Variants in SLC22A4 observed in about 807,000 individuals in gnomAD.
SLC22A4 encodes the protein ET transporter.
SLC22A4 carries 39 observed loss-of-function variants against 56.6 expected under a neutral mutation model. That is an observed-to-expected ratio of 0.69 (90% confidence interval 0.53 to 0.90). The LOEUF (loss-of-function observed/expected upper bound fraction) is 0.90. SLC22A4 is among the 40% of genes least tolerant of loss of function. The pLI, the probability that SLC22A4 is intolerant of heterozygous loss-of-function variation, is 0.00. For synonymous variants in SLC22A4, 241 were observed against 281.4 expected (o/e 0.86, Z 1.44); for missense variants, 594 against 696.5 (o/e 0.85, Z 1.66).
At chr5:132,336,310 G>A (rs908957312) in intron 8 of SLC22A4, among the ~76,000 whole-genome samples, 1 of 152,180 alleles carries the variant, frequency 6.6e-6, no homozygotes, top group African/African-American at 2.4e-5. Flanking sequence ...GATCACCTGA[G>A]GCCAGGAGTT....
chr5:132,333,047 A>G (rs1750914012), intron 6 of SLC22A4, among the ~76,000 whole-genome samples: 1 of 152,196 alleles, frequency 6.6e-6, no homozygotes, highest in Admixed American at 6.5e-5. Flanking sequence ...AGATCCCTTG[A>G]GCATACTTAT....
intron 7 of SLC22A4, 125 bp downstream of exon 7, chr5:132,335,057 C>G: frequency 1.3e-6 from 1 of 741,974 alleles, no homozygotes. Flanking sequence ...GTCAATTAGA[C>G]AGGTGATTGC....
chr5:132,307,555 A>C (rs776596616), intron 1 of SLC22A4, among the ~76,000 whole-genome samples: 7 of 152,220 alleles, frequency 4.6e-5, no homozygotes, highest in Admixed American at 1.3e-4. Flanking sequence ...AGGACAAATA[A>C]AATGCTCTAC....
intron 1 of SLC22A4, among the ~76,000 whole-genome samples, chr5:132,306,863 T>C (rs771743131): frequency 2.0e-5 from 3 of 152,154 alleles, no homozygotes; most frequent in Non-Finnish European, 4.4e-5. Flanking sequence ...AAACACTATA[T>C]ATTGTATGAT....
At chr5:132,317,675 G>T (rs1012999612) in intron 3 of SLC22A4, among the ~76,000 whole-genome samples, 1 of 152,228 alleles carries the variant, frequency 6.6e-6, no homozygotes, top group Admixed American at 6.5e-5. Flanking sequence ...ACCTCTGCTG[G>T]GTCCTATGGT....
chr5:132,336,050 T>A, intron 8 of SLC22A4, 50 bp downstream of exon 8: 1 of 1,556,200 alleles, frequency 6.4e-7, no homozygotes, highest in Non-Finnish European at 8.9e-7. Context: ...GTTTTCAATG[T>A]AAAAGTAAGA....
intron 5 of SLC22A4, among the ~76,000 whole-genome samples, chr5:132,328,903 G>GTA (rs753290785): frequency 0.16 from 14,809 of 95,048 alleles, 967 homozygotes; most frequent in East Asian, 0.31. Flanking sequence ...GTGTGTATGT[G>GTA]TATATATATA....
At position 132,295,000 on chromosome 5, in the gene SLC22A4, C is replaced by T. The variant is rs770458543; in HGVS notation, c.384C>T (p.Val128=). The part of the protein sequence containing the change: ...EFSQDVYLST[V]VTEWNLVCED... ...GCCAGGACGTCTACCTGTCCACCGT[C>T]GTGACCGAGGTGGGTGCCAGGCCGA... The change falls in exon 1 of 10, where the codon GTC becomes GTT. Residue 128 remains valine, a synonymous_variant. Transcript: ENST00000200652. The surrounding 1 kb of genome is among the most constrained non-coding windows in gnomAD (Gnocchi z 5.6). The T allele has an allele frequency of 4.4e-6, 7 of 1,606,342 alleles. No homozygotes were observed. The African/African-American group carries it at 6.7e-5, about 15-fold the overall frequency.
intron 1 of SLC22A4, among the ~76,000 whole-genome samples, chr5:132,302,883 G>A (rs1026105941): frequency 1.3e-5 from 2 of 152,220 alleles, no homozygotes; most frequent in African/African-American, 4.8e-5. Context: ...GAACTCATCA[G>A]TGAGGCTTTT....
chr5:132,341,147 C>T (rs1250147430), intron 9 of SLC22A4, among the ~76,000 whole-genome samples: 1 of 151,450 alleles, frequency 6.6e-6, no homozygotes, highest in Non-Finnish European at 1.5e-5. Context: ...AGGCCAGGCG[C>T]GGTGGCACAT....
At chr5:132,309,375 A>G (rs1034514039) in intron 1 of SLC22A4, among the ~76,000 whole-genome samples, 6 of 152,214 alleles carry the variant, frequency 3.9e-5, no homozygotes, top group Admixed American at 1.3e-4. Context: ...GGGTCTCCAA[A>G]GGCAGATGGC....
At position 132,331,758 on chromosome 5, in the gene SLC22A4, G is replaced by A; in HGVS notation, c.954G>A (p.Glu318=). Reference sequence around the variant, plus strand: ...TATTTGCATTATTTTGGTTACAGGAGCTAAATCCCCTGAAGCAGCAGAAAG... The same window carrying A: ...TATTTGCATTATTTTGGTTACAGGAACTAAATCCCCTGAAGCAGCAGAAAG... ...VPAVIFDSVE[E]LNPLKQQKAF... Residue 318 remains glutamate (E), a splice_region_variant and synonymous_variant, in exon 6 of 10, where the codon GAG becomes GAA. Transcript: ENST00000200652. The A allele has an allele frequency of 1.2e-6, 2 of 1,611,220 alleles. No individual in the cohort carries two copies. The highest frequency in any genetic ancestry group is 2.2e-5 in the South Asian group (2 of 91,006).
intron 8 of SLC22A4, 32 bp downstream of exon 8, chr5:132,336,032 T>G (rs1259314183): frequency 6.3e-7 from 1 of 1,597,390 alleles, no homozygotes; most frequent in Non-Finnish European, 8.6e-7. Context: ...TGTTCTTCCT[T>G]TAAATTAGTT....
In SLC22A4 at chr5:132,294,955, C is replaced by G. The variant is rs11568502; in HGVS notation, c.339C>G (p.Cys113Trp). 1.2e-6 allele frequency: 2 copies of G among 1,604,850 alleles called. No homozygotes were observed. Among genetic ancestry groups the G allele is most frequent in the Non-Finnish European group, 1.7e-6 (2 of 1,176,400 alleles). Residue 113 changes from cysteine to tryptophan, a missense_variant, in exon 1 of 10, where the codon TGC (cysteine) becomes TGG (tryptophan). Physicochemically the swap from Cys to Trp is radical, Grantham distance 215. Transcript: ENST00000200652. The surrounding 1 kb of genome is among the most constrained non-coding windows in gnomAD (Gnocchi z 5.6). ...VDLGQLEQESCLDGWEFSQDV... is the reference protein window; with the variant it reads ...VDLGQLEQESWLDGWEFSQDV... ...TGGGGCAGCTGGAGCAGGAGAGCTG[C>G]CTGGATGGCTGGGAGTTCAGCCAGG...
chr5:132,307,270 C>T (rs563114696), intron 1 of SLC22A4, among the ~76,000 whole-genome samples: 1 of 152,304 alleles, frequency 6.6e-6, no homozygotes, highest in Non-Finnish European at 1.5e-5. Flanking sequence ...CCATTATTAA[C>T]TACTACTTCT....
At chr5:132,343,571 A>G (rs1751283056) in intron 9 of SLC22A4, among the ~76,000 whole-genome samples, 189 bp from the exon 10 acceptor site, 1 of 152,164 alleles carries the variant, frequency 6.6e-6, no homozygotes, top group African/African-American at 2.4e-5. Flanking sequence ...TCTATGCTTA[A>G]TTAAGAAAGT....
intron 4 of SLC22A4, among the ~76,000 whole-genome samples, chr5:132,327,044 T>A (rs1750710113): frequency 6.6e-6 from 1 of 152,212 alleles, no homozygotes; most frequent in East Asian, 1.9e-4. Context: ...CCCCTTATGG[T>A]CTGGTCCTGG....
At chr5:132,337,040 A>G (rs963416814) in intron 8 of SLC22A4, among the ~76,000 whole-genome samples, 4 of 152,064 alleles carry the variant, frequency 2.6e-5, no homozygotes, top group Non-Finnish European at 5.9e-5. Flanking sequence ...TGCTATTACA[A>G]ATAACATTAC....
rs750475535 is a variant in SLC22A4 at position 132,294,917 on chromosome 5, C to T, written c.301C>T (p.Arg101Cys). ...CTCGGCGCTCGGGCTGGAGCCGGGG[C>T]GCGACGTGGACCTGGGGCAGCTGGA... Reference protein sequence around the residue: ...NFSALGLEPGRDVDLGQLEQE... With the variant: ...NFSALGLEPGCDVDLGQLEQE... The change falls in exon 1 of 10, where the codon CGC becomes TGC. Residue 101 changes from arginine to cysteine, a missense_variant. Transcript: ENST00000200652. The surrounding 1 kb of genome is among the most constrained non-coding windows in gnomAD (Gnocchi z 5.6). 1.9e-6 allele frequency: 3 copies of T among 1,595,806 alleles called. No individual in the cohort carries two copies. Among genetic ancestry groups the T allele is most frequent in the Non-Finnish European group, 2.6e-6 (3 of 1,171,968 alleles).
Sources: gnomAD v4.1 joint callset for allele counts (sites outside exome capture counted in the v4.1 genomes callset) on GRCh38, gnomAD v4.1.1 for gene constraint, Gnocchi (gnomAD v3.1) non-coding constraint, MANE v1.5 for transcripts, NCBI Gene and HGNC (gene_info 2026-07-23, HGNC 2026-07-21) for gene names.